MCF2: variants seen among roughly 807,000 people sequenced by gnomAD.
MCF2 encodes MCF.2 cell line derived transforming sequence.
In MCF2, 44 loss-of-function variants were observed where a neutral mutation model predicts 82.5. That is an observed-to-expected ratio of 0.53 (90% confidence interval 0.42 to 0.69). MCF2 has a LOEUF of 0.69. Ranked by LOEUF, MCF2 falls within the 30% of genes least tolerant of loss-of-function variation. The pLI, the probability that MCF2 is intolerant of heterozygous loss-of-function variation, is 0.00. For synonymous variants in MCF2, 217 were observed against 224.9 expected, an observed-to-expected ratio of 0.96 and a Z score of 0.32; for missense variants, 623 against 663.1, an observed-to-expected ratio of 0.94 and a Z score of 0.66.
exon 15 of MCF2, chrX:139,604,693 A>G: frequency 1.7e-6 from 2 of 1,186,568 alleles, no homozygotes; most frequent in East Asian, 6.0e-5. Context: ...TTTCCAGGAA[A>G]CAAGGTCCCA....
chrX:139,586,379 T>A (rs752034670), exon 23 of MCF2: 1 of 1,189,471 alleles, frequency 8.4e-7, no homozygotes, highest in South Asian at 1.8e-5. Flanking sequence ...GACACATACC[T>A]GTATTTGCTT....
intron 6 of MCF2, among the ~76,000 whole-genome samples, chrX:139,625,532 A>G (rs1847303408): frequency 9.0e-6 from 1 of 111,625 alleles, no homozygotes; most frequent in Admixed American, 9.5e-5. Flanking sequence ...CATGGGCAGA[A>G]AACAAGCTGG....
At chrX:139,676,880 C>G (rs1425661826) in intron 1 of MCF2, among the ~76,000 whole-genome samples, 1 of 111,774 alleles carries the variant, frequency 8.9e-6, no homozygotes. Flanking sequence ...AGAGGGACAC[C>G]TTCCCACCAG....
At chrX:139,589,273 A>C (rs1356650436) in intron 20 of MCF2, among the ~76,000 whole-genome samples, 2 of 112,092 alleles carry the variant, frequency 1.8e-5, no homozygotes, top group Non-Finnish European at 3.8e-5. Context: ...AATTACAACA[A>C]ACAAAAAACA....
At chrX:139,613,307 A>T (rs1284047620) in intron 10 of MCF2, 44 bp from the exon 14 acceptor site, 2 of 1,000,809 alleles carry the variant, frequency 2.0e-6, no homozygotes, top group Admixed American at 5.5e-5. Context: ...AATATCAGAA[A>T]AAAATGAAAC....
intron 11 of MCF2, 138 bp downstream of exon 15, chrX:139,610,163 A>T: frequency 9.5e-6 from 4 of 421,708 alleles, no homozygotes; most frequent in Non-Finnish European, 1.6e-5. Flanking sequence ...AACACAATGC[A>T]GCAGCAGCTT....
intron 6 of MCF2, among the ~76,000 whole-genome samples, chrX:139,623,023 T>A (rs1284655816): frequency 9.0e-6 from 1 of 110,612 alleles, no homozygotes; most frequent in Admixed American, 9.6e-5. Flanking sequence ...GAAATGCAAA[T>A]CAAATGAGAT....
chrX:139,619,207 C>T (rs780493174), intron 7 of MCF2, among the ~76,000 whole-genome samples: 1 of 110,979 alleles, frequency 9.0e-6, no homozygotes, highest in Non-Finnish European at 1.9e-5. Flanking sequence ...AAACAGTTCA[C>T]GCCATTGTCT....
At chrX:139,688,405 C>T (rs1375702858) in intron 1 of MCF2, among the ~76,000 whole-genome samples, 1 of 111,491 alleles carries the variant, frequency 9.0e-6, no homozygotes, top group Non-Finnish European at 1.9e-5. Flanking sequence ...ACCTCAGTTA[C>T]CCAGAAAAAT....
At chrX:139,620,653 C>T (rs2148469201) in intron 6 of MCF2, among the ~76,000 whole-genome samples, 1 of 110,994 alleles carries the variant, frequency 9.0e-6, no homozygotes, top group South Asian at 3.8e-4. Flanking sequence ...ATACATGTAG[C>T]CCAAGGAGGA....
intron 1 of MCF2, among the ~76,000 whole-genome samples, chrX:139,698,362 T>C (rs1170340406): frequency 2.7e-5 from 3 of 111,626 alleles, no homozygotes; most frequent in African/African-American, 9.8e-5. Flanking sequence ...GGAATAGGAG[T>C]TTGGAATCAT....
chrX:139,663,783 T>C (rs1419836153), intron 1 of MCF2, among the ~76,000 whole-genome samples: 4 of 110,691 alleles, frequency 3.6e-5, no homozygotes, highest in African/African-American at 1.3e-4. Context: ...CCCACTATTA[T>C]TGTATTGCAG....
chrX:139,689,092 T>C, intron 1 of MCF2, among the ~76,000 whole-genome samples: 1 of 111,537 alleles, frequency 9.0e-6, no homozygotes, highest in Non-Finnish European at 1.9e-5. Context: ...CCAAGTCAAA[T>C]CAATTTACCC....
exon 3 of MCF2, chrX:139,631,406 T>C (rs761464858): frequency 5.9e-6 from 7 of 1,178,318 alleles, no homozygotes; most frequent in Non-Finnish European, 8.1e-6. Flanking sequence ...TTTCTGAAGA[T>C]GATCCATTCA....
chrX:139,704,588 C>A (rs1442748215), intron 1 of MCF2, among the ~76,000 whole-genome samples: 1 of 111,470 alleles, frequency 9.0e-6, no homozygotes, highest in Non-Finnish European at 1.9e-5. Context: ...CCCCAATAAC[C>A]TGTGGAAATG....
chrX:139,632,005 C>T (rs1247451313), intron 2 of MCF2, among the ~76,000 whole-genome samples: 7 of 111,344 alleles, frequency 6.3e-5, no homozygotes, highest in African/African-American at 2.3e-4. Flanking sequence ...AAAACATACA[C>T]TCAATTTTAC....
intron 12 of MCF2, chrX:139,607,274 CA>C (rs1337974857): frequency 9.0e-6 from 1 of 111,557 alleles, no homozygotes; most frequent in Non-Finnish European, 1.9e-5. Context: ...ATAATTTTGT[CA>C]ATTATATATC....
chrX:139,642,936 G>T, upstream of MCF2: 1 of 504,624 alleles, frequency 2.0e-6, no homozygotes, highest in Non-Finnish European at 2.5e-6. Flanking sequence ...GATTTTTAAG[G>T]TGGAATGCTA....
intron 7 of MCF2, among the ~76,000 whole-genome samples, 156 bp from the exon 11 acceptor site, chrX:139,617,860 A>C (rs921589256): frequency 9.1e-6 from 1 of 109,882 alleles, no homozygotes; most frequent in Admixed American, 9.7e-5. Context: ...CAAAAAAAAA[A>C]ACACAAACAA....
Sources: allele counts gnomAD v4.1 joint callset (sites outside exome capture counted in the v4.1 genomes callset), GRCh38; gene constraint gnomAD v4.1.1; transcripts MANE v1.5; gene names NCBI Gene and HGNC (gene_info 2026-07-23, HGNC 2026-07-21).